The following NIBAN1 variants were observed in gnomAD, a reference collection of about 807,000 sequenced individuals.
The protein encoded by NIBAN1 is protein Niban 1.
Under a neutral mutation model 75.1 loss-of-function variants are expected in NIBAN1, and 81 were observed. The observed-to-expected ratio is 1.08, with a 90% CI of 0.90 to 1.30. NIBAN1 has a LOEUF of 1.30. Ranked by LOEUF, NIBAN1 falls within the 50% of genes most tolerant of loss-of-function variation. The probability of loss-of-function intolerance (pLI) is 0.00; values close to 1 mark genes in which losing one functional copy is unlikely to be tolerated. For missense variants in NIBAN1, 1,133 were observed against 1,128.1 expected (o/e 1.00, Z -0.06); for synonymous variants, 436 against 424.8 (o/e 1.03, Z -0.32).
At chr1:184,830,286 C>G (rs1654961436) in intron 6 of NIBAN1, among the ~76,000 whole-genome samples, 1 of 152,240 alleles carries the variant, frequency 6.6e-6, no homozygotes, top group African/African-American at 2.4e-5. Context: ...TGTTGGCTTA[C>G]ATGGCAGGCC....
chr1:184,908,934 G>A (rs1031040028), intron 1 of NIBAN1, among the ~76,000 whole-genome samples: 2 of 152,134 alleles, frequency 1.3e-5, no homozygotes, highest in African/African-American at 4.8e-5. Context: ...AGCATCACAG[G>A]AACTATGAAT....
At chr1:184,804,559 C>G (rs908737358) in intron 11 of NIBAN1, among the ~76,000 whole-genome samples, 1 of 152,142 alleles carries the variant, frequency 6.6e-6, no homozygotes, top group African/African-American at 2.4e-5. Flanking sequence ...AGTGGGACCA[C>G]CCCTTGAGGG....
intron 1 of NIBAN1, among the ~76,000 whole-genome samples, chr1:184,957,983 T>C (rs978673555): frequency 1.3e-5 from 2 of 152,190 alleles, no homozygotes; most frequent in African/African-American, 4.8e-5. Context: ...AAATTCCATA[T>C]TAGGTGTTGC....
chr1:184,915,293 G>A (rs904328142), intron 1 of NIBAN1, among the ~76,000 whole-genome samples: 10 of 152,160 alleles, frequency 6.6e-5, no homozygotes, highest in African/African-American at 1.7e-4. Context: ...AGATTCTTAC[G>A]ATGAGGCCAG....
intron 5 of NIBAN1, among the ~76,000 whole-genome samples, chr1:184,856,508 G>A (rs989097018): frequency 2.6e-5 from 4 of 152,074 alleles, no homozygotes; most frequent in African/African-American, 9.7e-5. Context: ...TCAAAACATG[G>A]GGAAAAATTT....
Position 184,951,995 on chromosome 1 carries a change from G to T in NIBAN1, c.55+22307C>A, listed in dbSNP as rs117517283. Among the ~76,000 whole-genome samples the T allele has an allele frequency of 3.9e-4, 59 of 152,270 alleles. 1 individual carries two copies. The East Asian group carries it at 0.011, about 28-fold the overall frequency. ...CCCTACCACCACCTCTATGATGTAA[G>T]TCCCATGAGAGCAGGGATTTAGTCT... On this transcript the variant is annotated intron_variant, in intron 1 of 13. Transcript: ENST00000367511.
At chr1:184,861,669 AAGGGAGGGAGGGAAGGAGTG>A (rs1431955393) in intron 5 of NIBAN1, among the ~76,000 whole-genome samples, 1 of 137,602 alleles carries the variant, frequency 7.3e-6, no homozygotes, top group African/African-American at 2.7e-5. Context: ...AGGAAGGAGG[AAGGGAGGGAGGGAAGGAGTG>A]AGGGAAGGAA....
At position 184,974,500 on chromosome 1, in the gene NIBAN1, T is replaced by C; in HGVS notation, c.-144A>G. The C allele has an allele frequency of 8.9e-7, 1 of 1,129,416 alleles. No individual in the cohort carries two copies. Among genetic ancestry groups the C allele is most frequent in the Non-Finnish European group, 1.2e-6 (1 of 812,612 alleles). 70.0% of individuals were successfully genotyped at this position (1,129,416 alleles called of 1,614,324 possible). A position where few individuals can be genotyped will look rare whatever the true frequency, so the allele number is the denominator to read the frequency against. On this transcript the variant is annotated 5_prime_UTR_variant, in exon 1 of 14. Coordinates refer to ENST00000367511, the MANE Select transcript of NIBAN1 (RefSeq NM_052966.4). ...GGCGAGAGACAGGAGGCAAGAGGCG[T>C]CGCCTTCTGGGGCGCCTCCTCCAGG...
At chr1:184,827,969 T>G (rs1654891203) in intron 6 of NIBAN1, among the ~76,000 whole-genome samples, 1 of 150,996 alleles carries the variant, frequency 6.6e-6, no homozygotes, top group African/African-American at 2.4e-5. Context: ...TGTTTTTTTT[T>G]TTTTTTTCCG....
chr1:184,833,498 A>G (rs1189064374), intron 5 of NIBAN1, among the ~76,000 whole-genome samples: 1 of 152,030 alleles, frequency 6.6e-6, no homozygotes, highest in Admixed American at 6.6e-5. Context: ...ACTTGATGAT[A>G]GGAGTTCAAG....
chr1:184,868,278 G>A (rs1656010048), intron 5 of NIBAN1: 3 of 156,476 alleles, frequency 1.9e-5, no homozygotes, highest in Middle Eastern at 3.3e-3. Flanking sequence ...ATTCAGGTCA[G>A]ATCAGGACTT....
rs141245837 is a variant in NIBAN1 at position 184,912,848 on chromosome 1, C to T, written c.56-13539G>A. Among the ~76,000 whole-genome samples the T allele has an allele frequency of 2.0e-5, 3 of 152,174 alleles. No individual in the cohort carries two copies. The East Asian group carries it at 5.8e-4, about 30-fold the overall frequency. ...TTACGTGCAAACTATGGAAAGGTGC[C>T]CCTTCTTCAGGGCAGATGCAGCCAG... On this transcript the variant is annotated intron_variant, in intron 1 of 13. Transcript: ENST00000367511.
At position 184,906,099 on chromosome 1, in the gene NIBAN1, A is replaced by G. The variant is rs567559396; in HGVS notation, c.56-6790T>C. Among the ~76,000 whole-genome samples the G allele has an allele frequency of 2.7e-5, 4 of 147,690 alleles. No individual in the cohort carries two copies. In the South Asian group the frequency reaches 8.6e-4, roughly 32 times the overall value. On this transcript the variant is annotated intron_variant, in intron 1 of 13. Transcript: ENST00000367511. ...CAAAAAAAAATTAAAAAATTAGCCA[A>G]GTGTGGTGATGCACACCTGTAGTTG...
intron 5 of NIBAN1, among the ~76,000 whole-genome samples, chr1:184,883,722 G>A (rs1220766192): frequency 2.0e-5 from 3 of 152,122 alleles, no homozygotes; most frequent in South Asian, 2.1e-4. Context: ...CAGGCCCCAC[G>A]GTGTACCCAG....
In NIBAN1 at chr1:184,808,239, C is replaced by G; in HGVS notation, c.1174-4G>C. On this transcript the variant is annotated splice_region_variant and splice_polypyrimidine_tract_variant and intron_variant, in intron 9 of 13. Transcript: ENST00000367511. ...GATTCATAAGCCGGTCTAGATGCTG[C>G]ATTTTGGTGAAGGGAAACATTAAAC... is the stretch of plus-strand genomic sequence containing the variant. 1.2e-6 allele frequency: 2 copies of G among 1,613,066 alleles called. No individual in the cohort carries two copies. Among genetic ancestry groups the G allele is most frequent in the South Asian group, 2.2e-5 (2 of 91,004 alleles).
chr1:184,909,318 T>A (rs976566905), intron 1 of NIBAN1, among the ~76,000 whole-genome samples: 6 of 152,192 alleles, frequency 3.9e-5, no homozygotes, highest in Non-Finnish European at 7.3e-5. Context: ...TTTCTTTTTC[T>A]TATTTCATTT....
rs1360747726 is a variant in NIBAN1 at position 184,796,061 on chromosome 1, A to C, written c.1703T>G (p.Leu568Ter). 2 of 1,572,174 alleles carry C rather than the reference A, an allele frequency of 1.3e-6. No individual in the cohort carries two copies. Among genetic ancestry groups the C allele is most frequent in the Non-Finnish European group, 1.7e-6 (2 of 1,162,580 alleles). Residue 568 changes from leucine to a stop codon, truncating the protein, a stop_gained, in exon 14 of 14, where the codon TTA becomes TGA. Transcript: ENST00000367511. LOFTEE classifies it low-confidence loss of function (END_TRUNC). Reference sequence around the variant, plus strand: ...GGGCAAGGCCATGTTATCTTCAAATAAGTTGTGTTTCTTCAAGATAGCAGC... The same window carrying C: ...GGGCAAGGCCATGTTATCTTCAAATCAGTTGTGTTTCTTCAAGATAGCAGC... ...KEAAILKKHN[L>*]FEDNMALPSE...
intron 1 of NIBAN1, among the ~76,000 whole-genome samples, chr1:184,913,394 T>C (rs1657300917): frequency 6.6e-6 from 1 of 151,926 alleles, no homozygotes; most frequent in East Asian, 1.9e-4. Context: ...AGATGCATCA[T>C]TTATATAGGT....
At chr1:184,824,925 G>A (rs1654804887) in intron 6 of NIBAN1, among the ~76,000 whole-genome samples, 1 of 152,112 alleles carries the variant, frequency 6.6e-6, no homozygotes, top group South Asian at 2.1e-4. Flanking sequence ...AGCTACCTTG[G>A]CACAAACACC....
Sources: allele counts gnomAD v4.1 joint callset (sites outside exome capture counted in the v4.1 genomes callset), GRCh38; gene constraint gnomAD v4.1.1; transcripts MANE v1.5; gene names NCBI Gene and HGNC (gene_info 2026-07-23, HGNC 2026-07-21).